Variants in GPT observed in about 807,000 individuals in gnomAD.
GPT encodes alanine aminotransferase 1.
Under a neutral mutation model 51.4 loss-of-function variants are expected in GPT, and 60 were observed. The ratio of observed to expected loss-of-function variants is 1.17; its 90% CI spans 0.95 to 1.45. The LOEUF (loss-of-function observed/expected upper bound fraction) is 1.45, where lower values mean the gene tolerates loss of function less well. Ranked by LOEUF, GPT falls within the 40% of genes most tolerant of loss-of-function variation. The pLI is 0.00. For missense variants in GPT, 853 were observed against 704.0 expected (o/e 1.21, Z -2.40); for synonymous variants, 397 against 303.1 (o/e 1.31, Z -3.22).
At position 144,504,163 on chromosome 8, in the gene GPT, G is replaced by A. The variant is rs190503990; in HGVS notation, c.-142G>A. On this transcript the variant is annotated 5_prime_UTR_variant, in exon 1 of 11. Transcript: ENST00000394955. ...CCAGTGAGGCCAGCTGCGGTGAAGA[G>A]GGTGCTCTCTTGCCTGGAGTTCCCT... 3.5e-6 allele frequency: 3 copies of A among 849,336 alleles called. No individual in the cohort carries two copies. The highest frequency in any genetic ancestry group is 2.0e-5 in the Admixed American group (1 of 49,362). The allele number at this position is 849,336 out of a possible 1,614,324, so 52.6% of individuals were successfully genotyped here.
chr8:144,504,896 G>A lies in GPT; in HGVS notation c.361+17G>A, dbSNP rs1826708690. 1 of 1,612,988 alleles carries A rather than the reference G, an allele frequency of 6.2e-7. No individual in the cohort carries two copies. Among genetic ancestry groups the A allele is most frequent in the Non-Finnish European group, 8.5e-7 (1 of 1,179,932 alleles). On this transcript the variant is annotated intron_variant, in intron 3 of 10. Coordinates refer to ENST00000394955, the MANE Select transcript of GPT (RefSeq NM_005309.3). The stretch of plus-strand genomic sequence containing the variant: ...ACAGTCTGGGTGAGAGCCAGGGCCA[G>A]GAGGAAGCAGAGGGCCGCCCTGCCA...
chr8:144,504,693 G>A lies in GPT; in HGVS notation c.252G>A (p.Gln84=), dbSNP rs1826697102. The A allele has an allele frequency of 1.9e-6, 3 of 1,613,296 alleles. No homozygotes were observed. Among genetic ancestry groups the A allele is most frequent in the East Asian group, 4.5e-5 (2 of 44,884 alleles). The change falls in exon 2 of 11, where the codon CAG becomes CAA. Residue 84 remains glutamine (Q), a splice_region_variant and synonymous_variant. Transcript: ENST00000394955. ...MGQRPITFLR[Q]VLALCVNPDL... is the part of the protein sequence containing the mutation. ...AGAGGCCCATCACCTTCCTGCGCCAGGTGAGGCTCCTGCACTGCCCGGAGC... is the reference window on the plus strand; with the variant it reads ...AGAGGCCCATCACCTTCCTGCGCCAAGTGAGGCTCCTGCACTGCCCGGAGC...
At position 144,505,327 on chromosome 8, in the gene GPT, T is replaced by G. The variant is rs1281183749; in HGVS notation, c.577T>G (p.Ser193Ala). The stretch of plus-strand genomic sequence containing the variant: ...CCCCATCCCCCAGTACCCACTCTAC[T>G]CGGCCACGCTGGCAGAGCTGGGCGC... Reference protein sequence around the residue: ...LIPIPQYPLYSATLAELGAVQ... With the variant: ...LIPIPQYPLYAATLAELGAVQ... Residue 193 changes from serine (S) to alanine (A), a missense_variant, in exon 5 of 11, where the codon TCG (serine) becomes GCG (alanine). Transcript: ENST00000394955. 3 of 1,568,568 alleles carry G rather than the reference T, an allele frequency of 1.9e-6. No individual in the cohort carries two copies. In the African/African-American group the frequency reaches 4.1e-5, roughly 21 times the overall value.
chr8:144,503,840 C>G (rs1826650835), upstream of GPT: 1 of 203,956 alleles, frequency 4.9e-6, no homozygotes, highest in Non-Finnish European at 1.0e-5. Context: ...CTTGCCAGCT[C>G]TGCCAGCCCC....
In GPT at chr8:144,505,417, C is replaced by T. The variant is rs1443496641; in HGVS notation, c.667C>T (p.Arg223Cys). ...GGCGCTGGACGTGGCCGAGCTTCAC[C>T]GTGCACTGGGCCAGGCGCGTGACCA... ...AWALDVAELH[R>C]ALGQARDHCR... The change falls in exon 5 of 11, where the codon CGT becomes TGT. Residue 223 changes from arginine (R) to cysteine (C), a missense_variant. Transcript: ENST00000394955. 2 of 1,598,722 alleles carry T rather than the reference C, an allele frequency of 1.3e-6. No individual in the cohort carries two copies. Among genetic ancestry groups the T allele is most frequent in the South Asian group, 1.1e-5 (1 of 88,312 alleles).
In GPT at chr8:144,506,326, C is replaced by T. The variant is rs769986664; in HGVS notation, c.1051C>T (p.Pro351Ser). ...LKLMSVRLCP[P>S]VPGQALLDLV... is the part of the protein sequence containing the mutation. ...GCTGATGAGTGTGCGGCTGTGCCCG[C>T]CGGTGCCAGGACAGGCCCTGCTGGA... The change falls in exon 8 of 11, where the codon CCG becomes TCG. Residue 351 changes from proline to serine, a missense_variant. Coordinates refer to ENST00000394955, the MANE Select transcript of GPT (RefSeq NM_005309.3). The surrounding 1 kb of genome is among the most constrained non-coding windows in gnomAD (Gnocchi z 7.0). 2 of 1,582,400 alleles carry T rather than the reference C, an allele frequency of 1.3e-6. No individual in the cohort carries two copies. The highest frequency in any genetic ancestry group is 4.6e-5 in the East Asian group (2 of 43,360).
rs764305959 is a variant in GPT at position 144,504,651 on chromosome 8, C to T, written c.210C>T (p.Asp70=). The T allele has an allele frequency of 3.3e-5, 53 of 1,613,214 alleles. No homozygotes were observed. The Admixed American group carries it at 4.0e-4, about 12-fold the overall frequency. The change falls in exon 2 of 11, where the codon GAC becomes GAT. Residue 70 remains aspartate (D), a synonymous_variant. Coordinates refer to ENST00000394955, the MANE Select transcript of GPT (RefSeq NM_005309.3). ...AGGTCATCCGTGCCAACATCGGGGA[C>T]GCACAGGCTATGGGGCAGAGGCCCA... ...FTEVIRANIG[D]AQAMGQRPIT... is the part of the protein sequence containing the mutation.
rs1254189209 is a variant in GPT, at chr8:144,505,983, G to A, written c.820-12G>A. ...CAACAGTCCGCCCCCGTGACGCCTT[G>A]CGCCCTTCCAGGTGTACCAGGACAA... On this transcript the variant is annotated splice_polypyrimidine_tract_variant and intron_variant, in intron 6 of 10. Coordinates refer to ENST00000394955, the MANE Select transcript of GPT (RefSeq NM_005309.3). 2 of 1,612,186 alleles carry A rather than the reference G, an allele frequency of 1.2e-6. No individual in the cohort carries two copies. The highest frequency in any genetic ancestry group is 3.3e-5 in the Admixed American group (2 of 59,970).
chr8:144,505,886 C>T lies in GPT; in HGVS notation c.778C>T (p.Arg260Cys), dbSNP rs950025395. ...QTRECIEAVI[R>C]FAFEERLFLL... ...CCGCGAGTGCATCGAGGCCGTGATC[C>T]GCTTCGCCTTCGAAGAGCGGCTCTT... The change falls in exon 6 of 11, where the codon CGC (arginine) becomes TGC (cysteine). Residue 260 changes from arginine to cysteine, a missense_variant. By Grantham distance (180) the Arg-to-Cys change is radical. Transcript: ENST00000394955. The T allele has an allele frequency of 1.3e-6, 2 of 1,580,348 alleles. No homozygotes were observed. Among genetic ancestry groups the T allele is most frequent in the African/African-American group, 1.3e-5 (1 of 74,216 alleles).
chr8:144,507,073 C>T lies in GPT; in HGVS notation c.*73C>T. Reference sequence around the variant, plus strand: ...GAGCCCTGGGAGGCTCTGGAGCCCACTGTACTTGCTCTTGATGCCTGGCGG... The same window carrying T: ...GAGCCCTGGGAGGCTCTGGAGCCCATTGTACTTGCTCTTGATGCCTGGCGG... On this transcript the variant is annotated 3_prime_UTR_variant, in exon 11 of 11. Coordinates refer to ENST00000394955, the MANE Select transcript of GPT (RefSeq NM_005309.3). The T allele has an allele frequency of 3.9e-6, 2 of 517,138 alleles. No homozygotes were observed. Among genetic ancestry groups the T allele is most frequent in the Non-Finnish European group, 7.2e-6 (2 of 279,210 alleles). 32.0% of individuals were successfully genotyped at this position (517,138 alleles called of 1,614,324 possible). A position where few individuals can be genotyped will look rare whatever the true frequency, so the allele number is the denominator to read the frequency against.
At chr8:144,503,297 G>T (rs1381094683), upstream of GPT, among the ~76,000 whole-genome samples, 1 of 152,184 alleles carries the variant, frequency 6.6e-6, no homozygotes, top group Admixed American at 6.5e-5. Flanking sequence ...GCTGGGGTGG[G>T]CCAGCGTGGA....
rs1165328484 is a variant in GPT at position 144,507,017 on chromosome 8, C to T, written c.*17C>T. 6.6e-7 allele frequency: 1 copy of T among 1,504,722 alleles called. No homozygotes were observed. Among genetic ancestry groups the T allele is most frequent in the East Asian group, 2.7e-5 (1 of 37,234 alleles). The allele number at this position is 1,504,722 out of a possible 1,614,324, so 93.2% of individuals were successfully genotyped here. On this transcript the variant is annotated 3_prime_UTR_variant, in exon 11 of 11. Coordinates refer to ENST00000394955, the MANE Select transcript of GPT (RefSeq NM_005309.3). ...TACTCCTGAGCACCCCAGCTGGGGC[C>T]AGGCTGGGTCGCCCTGGACTGTGTG... is the stretch of plus-strand genomic sequence containing the variant.
rs373044743 is a variant in GPT at position 144,506,274 on chromosome 8, C to T, written c.999C>T (p.Asp333=). The T allele has an allele frequency of 2.5e-6, 4 of 1,604,580 alleles. No individual in the cohort carries two copies. Among genetic ancestry groups the T allele is most frequent in the Non-Finnish European group, 3.4e-6 (4 of 1,178,380 alleles). The change falls in exon 8 of 11, where the codon GAC becomes GAT. Residue 333 remains aspartate (D), a synonymous_variant. Transcript: ENST00000394955. This position sits in a 1 kb window ranked among gnomAD's most constrained non-coding sequence, Gnocchi z 7.0. ...RGGYVEVVNM[D]AAVQQQMLKL... is the part of the protein sequence containing the mutation. The stretch of plus-strand genomic sequence containing the variant: ...GCTATGTGGAGGTGGTGAACATGGA[C>T]GCTGCAGTGCAGCAGCAGATGCTGA...
At position 144,507,134 on chromosome 8, in the gene GPT, T is replaced by TG. The variant is rs1237067446; in HGVS notation, c.*135dup. On this transcript the variant is annotated 3_prime_UTR_variant, in exon 11 of 11. Transcript: ENST00000394955. Reference sequence around the variant, plus strand: ...GGGGGGTGCTGGGCCCCTGCCTCTCTGCAGGTCCCTAATAAAGCTGTGTGG... The same window carrying TG: ...GGGGGGTGCTGGGCCCCTGCCTCTCTGGCAGGTCCCTAATAAAGCTGTGTGG... 3 of 701,450 alleles carry TG rather than the reference T, an allele frequency of 4.3e-6. No individual in the cohort carries two copies. Among genetic ancestry groups the TG allele is most frequent in the Non-Finnish European group, 7.7e-6 (3 of 388,674 alleles). The allele number at this position is 701,450 out of a possible 1,614,324, so 43.5% of individuals were successfully genotyped here. A position where few individuals can be genotyped will look rare whatever the true frequency, so the allele number is the denominator to read the frequency against.
rs1446150951 is a variant in GPT at position 144,506,062 on chromosome 8, TG to T, written c.891del (p.Pro298ArgfsTer33). On this transcript the variant is annotated frameshift_variant, in exon 7 of 11. Transcript: ENST00000394955. LOFTEE classifies it high-confidence loss of function. The surrounding 1 kb of genome is among the most constrained non-coding windows in gnomAD (Gnocchi z 7.0). The stretch of plus-strand genomic sequence containing the variant: ...TCATTCAAGAAGGTGCTCATGGAGA[TG>T]GGGCCGCCCTACGCCGGGCAGCAGG... Reference protein sequence around the residue: ...FHSFKKVLMEMGPPYAGQQEL... With the variant: ...FHSFKKVLMEXGPPYAGQQEL... 6.2e-7 allele frequency: 1 copy of T among 1,612,214 alleles called. No individual in the cohort carries two copies. The highest frequency in any genetic ancestry group is 1.3e-5 in the African/African-American group (1 of 74,876).
At position 144,504,428 on chromosome 8, in the gene GPT, G is replaced by C; in HGVS notation, c.124G>C (p.Val42Leu). ...RVEYAVRGPI[V>L]QRALELEQEL... ...GGAGTACGCAGTGCGTGGCCCCATA[G>C]TGCAGCGAGCCTTGGAGCTGGAGCA... is the stretch of plus-strand genomic sequence containing the variant. Residue 42 changes from valine (V) to leucine (L), a missense_variant, in exon 1 of 11, where the codon GTG becomes CTG. By Grantham distance (32) the Val-to-Leu change is conservative (BLOSUM62 1). Transcript: ENST00000394955. 1 of 1,611,096 alleles carries C rather than the reference G, an allele frequency of 6.2e-7. No individual in the cohort carries two copies. Among genetic ancestry groups the C allele is most frequent in the Non-Finnish European group, 8.5e-7 (1 of 1,179,928 alleles).
chr8:144,505,399 G>C lies in GPT; in HGVS notation c.649G>C (p.Asp217His). 1.3e-6 allele frequency: 2 copies of C among 1,595,734 alleles called. No individual in the cohort carries two copies. The highest frequency in any genetic ancestry group is 1.7e-6 in the Non-Finnish European group (2 of 1,172,848). ...YLDEERAWAL[D>H]VAELHRALGQ... The stretch of plus-strand genomic sequence containing the variant: ...GGACGAGGAGCGTGCCTGGGCGCTG[G>C]ACGTGGCCGAGCTTCACCGTGCACT... Residue 217 changes from aspartate to histidine, a missense_variant, in exon 5 of 11, where the codon GAC becomes CAC. By Grantham distance (81) the Asp-to-His change is moderately conservative. Coordinates refer to ENST00000394955, the MANE Select transcript of GPT (RefSeq NM_005309.3).
rs753670951 is a variant in GPT, at chr8:144,506,967, G to T, written c.1458G>T (p.Arg486Ser). ...GGCTGCTGCTGGAGAAGCTGAGCAG[G>T]TTCCATGCCAAGTTCACCCTCGAGT... Reference protein sequence around the residue: ...KLRLLLEKLSRFHAKFTLEYS With the variant: ...KLRLLLEKLSSFHAKFTLEYS The change falls in exon 11 of 11, where the codon AGG (arginine) becomes AGT (serine). Residue 486 changes from arginine to serine, a missense_variant. Physicochemically the swap from Arg to Ser is moderately radical, Grantham distance 110. Coordinates refer to ENST00000394955, the MANE Select transcript of GPT (RefSeq NM_005309.3). The surrounding 1 kb of genome is among the most constrained non-coding windows in gnomAD (Gnocchi z 7.0). 5 of 1,612,728 alleles carry T rather than the reference G, an allele frequency of 3.1e-6. No homozygotes were observed. Among genetic ancestry groups the T allele is most frequent in the Non-Finnish European group, 4.2e-6 (5 of 1,179,938 alleles).
intron 4 of GPT, 51 bp from the exon 5 acceptor site, chr8:144,505,195 C>T (rs755633945): frequency 7.4e-6 from 12 of 1,612,364 alleles, no homozygotes; most frequent in Non-Finnish European, 1.0e-5. Context: ...GGGTGGGGGA[C>T]AGGTGCGGCC....
Sources: gnomAD v4.1 joint callset for allele counts (sites outside exome capture counted in the v4.1 genomes callset) on GRCh38, gnomAD v4.1.1 for gene constraint, Gnocchi (gnomAD v3.1) non-coding constraint, MANE v1.5 for transcripts, NCBI Gene and HGNC (gene_info 2026-07-23, HGNC 2026-07-21) for gene names.